INTS9: variants seen among roughly 807,000 people sequenced by gnomAD.
The protein encoded by INTS9 is protein related to CPSF subunits of 74 kDa.
Under a neutral mutation model 79.7 loss-of-function variants are expected in INTS9, and 55 were observed. The ratio of observed to expected loss-of-function variants is 0.69; its 90% CI spans 0.56 to 0.86. The LOEUF (loss-of-function observed/expected upper bound fraction) is 0.86, where lower values mean the gene tolerates loss of function less well. Ranked by LOEUF, INTS9 falls within the 40% of genes least tolerant of loss-of-function variation. The pLI is 0.00. For missense variants in INTS9, 721 were observed against 831.5 expected (o/e 0.87, Z 1.64); for synonymous variants, 319 against 325.2 (o/e 0.98, Z 0.20).
At chr8:28,847,085 C>T (rs1807561791) in intron 3 of INTS9, among the ~76,000 whole-genome samples, 1 of 152,088 alleles carries the variant, frequency 6.6e-6, no homozygotes, top group African/African-American at 2.4e-5. Flanking sequence ...TGTGCTGCTC[C>T]CATAACCCAC....
intron 6 of INTS9, among the ~76,000 whole-genome samples, chr8:28,821,354 C>T (rs1026013535): frequency 1.3e-5 from 2 of 152,262 alleles, no homozygotes; most frequent in East Asian, 3.9e-4. Flanking sequence ...AAGCGGAAGC[C>T]CCGATAAACC....
chr8:28,879,758 T>C (rs573485662), intron 1 of INTS9, among the ~76,000 whole-genome samples: 11 of 152,298 alleles, frequency 7.2e-5, no homozygotes, highest in Admixed American at 2.0e-4. Context: ...TGATATATGC[T>C]ACCACATGAA....
intron 14 of INTS9, among the ~76,000 whole-genome samples, chr8:28,771,755 C>T (rs1455237705): frequency 6.6e-6 from 1 of 152,250 alleles, no homozygotes; most frequent in African/African-American, 2.4e-5. Context: ...CTGAGGCCTC[C>T]TCCACACAGG....
chr8:28,772,949 C>G lies in INTS9; in HGVS notation c.1564-1869G>C, dbSNP rs1011109394. On this transcript the variant is annotated intron_variant, in intron 14 of 16. Coordinates refer to ENST00000521022, the MANE Select transcript of INTS9 (RefSeq NM_018250.4). ...GCAAGGAGGCAGAAGTAAGAGCTGTCTCCAGCTCTGCTGTGGGAGTATAAA... is the reference window on the plus strand; with the variant it reads ...GCAAGGAGGCAGAAGTAAGAGCTGTGTCCAGCTCTGCTGTGGGAGTATAAA... Among the ~76,000 whole-genome samples, 31 of 152,226 alleles carry G rather than the reference C, an allele frequency of 2.0e-4. 1 individual carries two copies. Among genetic ancestry groups the G allele is most frequent in the Admixed American group, 1.7e-3 (26 of 15,286 alleles).
chr8:28,847,753 T>C (rs1317859181), intron 3 of INTS9, among the ~76,000 whole-genome samples: 1 of 152,124 alleles, frequency 6.6e-6, no homozygotes, highest in Non-Finnish European at 1.5e-5. Flanking sequence ...TGGGAGGTGC[T>C]GAGAAAACAG....
rs780420351 is a variant in INTS9, at chr8:28,777,872, C to T, written c.1352G>A (p.Arg451Gln). The part of the protein sequence containing the change: ...MKCIYCPIDT[R>Q]LNFIQVSKLL... ...CTTTGACACCTGGATGAAGTTCAGC[C>T]GGGTGTCGATGGGGCAGTAGATGCA... The change falls in exon 13 of 17, where the codon CGG (arginine) becomes CAG (glutamine). Residue 451 changes from arginine (R) to glutamine (Q), a missense_variant. By Grantham distance (43) the Arg-to-Gln change is conservative. This residue lies in a region of INTS9 where 281 missense variants were observed against 300.8 expected (regional missense o/e 0.93). Coordinates refer to ENST00000521022, the MANE Select transcript of INTS9 (RefSeq NM_018250.4). The T allele has an allele frequency of 5.6e-6, 9 of 1,612,306 alleles. No individual in the cohort carries two copies. Among genetic ancestry groups the T allele is most frequent in the South Asian group, 4.4e-5 (4 of 90,824 alleles).
chr8:28,830,521 G>A (rs1323488886), intron 6 of INTS9, among the ~76,000 whole-genome samples: 2 of 151,780 alleles, frequency 1.3e-5, no homozygotes, highest in Non-Finnish European at 2.9e-5. Context: ...CTACTCAGCA[G>A]GTTGATACGG....
intron 2 of INTS9, among the ~76,000 whole-genome samples, chr8:28,851,554 C>T (rs781404298): frequency 3.5e-4 from 53 of 151,996 alleles, no homozygotes; most frequent in Non-Finnish European, 6.9e-4. Flanking sequence ...TCTCCTGCCT[C>T]AGCCTCCCGA....
chr8:28,870,164 C>CATAT (rs775362239), intron 1 of INTS9, among the ~76,000 whole-genome samples: 1 of 151,452 alleles, frequency 6.6e-6, no homozygotes, highest in African/African-American at 2.4e-5. Context: ...CTGTTTGTTA[C>CATAT]ATATATATAT....
intron 1 of INTS9, among the ~76,000 whole-genome samples, chr8:28,876,982 C>G (rs558657760): frequency 2.0e-5 from 3 of 152,002 alleles, no homozygotes; most frequent in Non-Finnish European, 4.4e-5. Context: ...TTCTTAGACT[C>G]AATGATACAG....
At chr8:28,805,544 C>T (rs1804760648) in intron 8 of INTS9, among the ~76,000 whole-genome samples, 2 of 152,056 alleles carry the variant, frequency 1.3e-5, no homozygotes, top group African/African-American at 4.8e-5. Flanking sequence ...ACTGTTGTTG[C>T]AGTAAGGAAT....
rs190414445 is a variant in INTS9, at chr8:28,820,884, T to G, written c.489-7272A>C. Among the ~76,000 whole-genome samples, 12 of 151,954 alleles carry G rather than the reference T, an allele frequency of 7.9e-5. No individual in the cohort carries two copies. The East Asian group carries it at 2.1e-3, about 27-fold the overall frequency. ...AAGGGAGGATAGTATGTAATGCATA[T>G]ATATTCTGACAACACAGATAAGGTA... On this transcript the variant is annotated intron_variant, in intron 6 of 16. Transcript: ENST00000521022.
chr8:28,817,380 C>T (rs1319155294), intron 6 of INTS9, among the ~76,000 whole-genome samples: 44 of 152,130 alleles, frequency 2.9e-4, no homozygotes, highest in African/African-American at 1.1e-3. Context: ...TATGGCTAGC[C>T]AGTTTTCCCA....
At chr8:28,807,109 T>C (rs1804858039) in intron 8 of INTS9, among the ~76,000 whole-genome samples, 1 of 152,130 alleles carries the variant, frequency 6.6e-6, no homozygotes, top group Non-Finnish European at 1.5e-5. Flanking sequence ...AAATAAAATT[T>C]AGAATGAAAA....
At chr8:28,861,347 T>C (rs985363387) in intron 1 of INTS9, among the ~76,000 whole-genome samples, 3 of 152,162 alleles carry the variant, frequency 2.0e-5, no homozygotes, top group African/African-American at 7.2e-5. Flanking sequence ...AGATAAACTA[T>C]CTCAAAATGA....
At chr8:28,805,930 A>G (rs1236336449) in intron 8 of INTS9, among the ~76,000 whole-genome samples, 1 of 151,994 alleles carries the variant, frequency 6.6e-6, no homozygotes, top group Non-Finnish European at 1.5e-5. Flanking sequence ...GAGACACTAG[A>G]TTAAAAAAAA....
At chr8:28,876,063 AT>A (rs932019690) in intron 1 of INTS9, among the ~76,000 whole-genome samples, 2 of 151,354 alleles carry the variant, frequency 1.3e-5, no homozygotes, top group African/African-American at 2.4e-5. Flanking sequence ...TTCTATGGAG[AT>A]TTTTTTTTGG....
chr8:28,833,409 C>G (rs1806612340), intron 6 of INTS9, among the ~76,000 whole-genome samples: 1 of 151,928 alleles, frequency 6.6e-6, no homozygotes, highest in African/African-American at 2.4e-5. Context: ...ATGGTGAGGT[C>G]AAGAGATCAA....
At chr8:28,830,405 G>C (rs577411258) in intron 6 of INTS9, among the ~76,000 whole-genome samples, 1 of 152,160 alleles carries the variant, frequency 6.6e-6, no homozygotes, top group African/African-American at 2.4e-5. Context: ...AGGCTGAGGT[G>C]GGCGGATCAC....
Sources: allele counts gnomAD v4.1 joint callset (sites outside exome capture counted in the v4.1 genomes callset), GRCh38; gene constraint gnomAD v4.1.1; regional missense constraint gnomAD v4.1.1; transcripts MANE v1.5; gene names NCBI Gene and HGNC (gene_info 2026-07-23, HGNC 2026-07-21).